The following ADAM2 variants were observed in gnomAD, a reference collection of about 807,000 sequenced individuals.
ADAM2 encodes ADAM metallopeptidase domain 2.
A neutral mutation model predicts 99.3 loss-of-function variants in ADAM2; 101 were observed. The observed-to-expected ratio is 1.02, with a 90% CI of 0.87 to 1.20. ADAM2 has a LOEUF of 1.20. Among genes scored for constraint, ADAM2 ranks in the 50% most tolerant of loss-of-function variants. The pLI, the probability that ADAM2 is intolerant of heterozygous loss-of-function variation, is 0.00. For missense variants in ADAM2, 948 were observed against 878.7 expected (o/e 1.08, Z -1.00); for synonymous variants, 323 against 287.6 (o/e 1.12, Z -1.25).
At chr8:39,822,906 C>T (rs1376328446) in intron 4 of ADAM2, among the ~76,000 whole-genome samples, 1 of 151,984 alleles carries the variant, frequency 6.6e-6, no homozygotes, top group East Asian at 1.9e-4. Context: ...GTAGCTGGGA[C>T]TACAGGCACA....
intron 7 of ADAM2, among the ~76,000 whole-genome samples, chr8:39,793,556 C>T (rs550144342): frequency 2.1e-4 from 32 of 152,154 alleles, no homozygotes; most frequent in African/African-American, 7.7e-4. Context: ...GTAGGTTAAT[C>T]AAGATCAAGA....
intron 14 of ADAM2, among the ~76,000 whole-genome samples, chr8:39,761,856 C>T (rs1029560103): frequency 6.6e-6 from 1 of 152,002 alleles, no homozygotes; most frequent in African/African-American, 2.4e-5. Flanking sequence ...CCGAGGCGGG[C>T]GGATCACGAG....
intron 6 of ADAM2, chr8:39,818,124 G>C (rs894761627): frequency 2.6e-5 from 4 of 151,640 alleles, no homozygotes; most frequent in African/African-American, 9.7e-5. Flanking sequence ...AATATCATAT[G>C]AAAACAAGTC....
rs984422806 is a variant in ADAM2, at chr8:39,820,960, T to A, written c.513+42A>T. ...CTATAAATTTCAGTGCTTACATTGC[T>A]GTATAGTAATAACCATAGAGTTTGT... On this transcript the variant is annotated intron_variant, in intron 6 of 20. Transcript: ENST00000265708. 8 of 1,293,910 alleles carry A rather than the reference T, an allele frequency of 6.2e-6. No individual in the cohort carries two copies. In the African/African-American group the frequency reaches 1.2e-4, roughly 19 times the overall value. The allele number at this position is 1,293,910 out of a possible 1,614,324, so 80.2% of individuals were successfully genotyped here.
chr8:39,762,097 A>G (rs1189585561), intron 14 of ADAM2, among the ~76,000 whole-genome samples: 1 of 152,228 alleles, frequency 6.6e-6, no homozygotes, highest in African/African-American at 2.4e-5. Context: ...GGAAAAAGAA[A>G]AAAAAGCTTC....
chr8:39,787,154 C>A, intron 9 of ADAM2, 99 bp from the exon 10 acceptor site: 1 of 640,626 alleles, frequency 1.6e-6, no homozygotes, highest in Non-Finnish European at 2.6e-6. Flanking sequence ...TTAATATTTA[C>A]ATCTAACATT....
At chr8:39,765,018 G>A (rs1275411743) in intron 14 of ADAM2, among the ~76,000 whole-genome samples, 5 of 142,300 alleles carry the variant, frequency 3.5e-5, no homozygotes, top group Admixed American at 2.2e-4. Flanking sequence ...GCAAGACTCC[G>A]GCTCCAAAAA....
chr8:39,835,515 T>C (rs1039804451), intron 2 of ADAM2, among the ~76,000 whole-genome samples: 21 of 152,212 alleles, frequency 1.4e-4, no homozygotes, highest in Middle Eastern at 3.4e-3. Context: ...ACCCCGTCTC[T>C]ACTAAAAATA....
At chr8:39,750,584 C>T (rs552312134) in intron 16 of ADAM2, among the ~76,000 whole-genome samples, 17 of 152,072 alleles carry the variant, frequency 1.1e-4, no homozygotes, top group African/African-American at 3.6e-4. Context: ...TTGCTGTGGT[C>T]CACAAAAATG....
chr8:39,760,273 G>A (rs1364297229), intron 15 of ADAM2, among the ~76,000 whole-genome samples: 1 of 152,010 alleles, frequency 6.6e-6, no homozygotes, highest in Non-Finnish European at 1.5e-5. Flanking sequence ...CAGCGTCTAT[G>A]TTTCCCACTG....
chr8:39,778,576 T>C (rs1803091762), intron 10 of ADAM2, among the ~76,000 whole-genome samples: 1 of 152,076 alleles, frequency 6.6e-6, no homozygotes, highest in African/African-American at 2.4e-5. Flanking sequence ...AGGCTCTACA[T>C]TTTGCATGCA....
chr8:39,838,117 G>A lies in ADAM2; in HGVS notation c.55+14C>T. ...AGGGTCCCAAAAGGCCAGAGGAGGG[G>A]TTTTTCTGCTTACTACTGTCCATCC... is the stretch of plus-strand genomic sequence containing the variant. On this transcript the variant is annotated intron_variant, in intron 1 of 20. Transcript: ENST00000265708. 1.9e-6 allele frequency: 3 copies of A among 1,613,960 alleles called. No homozygotes were observed. The highest frequency in any genetic ancestry group is 2.2e-5 in the East Asian group (1 of 44,866).
intron 11 of ADAM2, among the ~76,000 whole-genome samples, chr8:39,776,717 T>C (rs1226458865): frequency 2.0e-5 from 3 of 152,238 alleles, no homozygotes; most frequent in Non-Finnish European, 2.9e-5. Flanking sequence ...TACTAATAAA[T>C]ACTTTTTGTG....
chr8:39,827,544 G>T (rs996081422), intron 3 of ADAM2, among the ~76,000 whole-genome samples: 1 of 152,090 alleles, frequency 6.6e-6, no homozygotes, highest in African/African-American at 2.4e-5. Context: ...GGAATACTAG[G>T]CAGTCATAAA....
intron 16 of ADAM2, among the ~76,000 whole-genome samples, chr8:39,750,901 T>G (rs989872931): frequency 2.0e-5 from 3 of 152,208 alleles, no homozygotes; most frequent in Non-Finnish European, 2.9e-5. Flanking sequence ...TCAAAGCGAC[T>G]AATGGTAAGC....
chr8:39,824,970 TAG>T, intron 3 of ADAM2, 73 bp from the exon 4 acceptor site: 1 of 700,866 alleles, frequency 1.4e-6, no homozygotes, highest in Non-Finnish European at 2.5e-6. Context: ...TTATTAATTA[TAG>T]ACAGGTAGGT....
rs1489229500 is a variant in ADAM2 at position 39,829,561 on chromosome 8, T to A, written c.188+4383A>T. 2.0e-5 allele frequency among the ~76,000 whole-genome samples: 3 copies of A among 151,968 alleles called. No individual in the cohort carries two copies. In the East Asian group the frequency reaches 5.8e-4, roughly 29 times the overall value. On this transcript the variant is annotated intron_variant, in intron 3 of 20. Transcript: ENST00000265708. ...AAAACATCTACCACTATTAATAGAA[T>A]ATATAATTCAGAGGAGTGTGTAAAT...
At chr8:39,805,715 T>C (rs1422118438) in intron 7 of ADAM2, among the ~76,000 whole-genome samples, 1 of 152,146 alleles carries the variant, frequency 6.6e-6, no homozygotes, top group Admixed American at 6.5e-5. Flanking sequence ...CCTATTAAAG[T>C]AGAATGACAT....
chr8:39,785,289 G>C (rs76650751), intron 10 of ADAM2, among the ~76,000 whole-genome samples: 1 of 152,144 alleles, frequency 6.6e-6, no homozygotes, highest in Non-Finnish European at 1.5e-5. Context: ...CTAATCATTA[G>C]AGAAATGCAA....
Sources: allele counts gnomAD v4.1 joint callset (sites outside exome capture counted in the v4.1 genomes callset), GRCh38; gene constraint gnomAD v4.1.1; transcripts MANE v1.5; gene names NCBI Gene and HGNC (gene_info 2026-07-23, HGNC 2026-07-21).